SUGCT: variants seen among roughly 807,000 people sequenced by gnomAD.
SUGCT encodes succinyl-CoA:glutarate CoA-transferase.
SUGCT carries 41 observed loss-of-function variants against 55.0 expected under a neutral mutation model. The ratio of observed to expected loss-of-function variants is 0.74; its 90% CI spans 0.58 to 0.97. The LOEUF is 0.97. SUGCT is among the 50% of genes least tolerant of loss of function. The pLI is 0.00. For missense variants in SUGCT, 568 were observed against 547.8 expected, an observed-to-expected ratio of 1.04 and a Z score of -0.37; for synonymous variants, 187 against 200.4, an observed-to-expected ratio of 0.93 and a Z score of 0.56.
At chr7:40,944,356 A>T in the SUGCT span, among the ~76,000 whole-genome samples, 14 of 151,530 alleles carry the variant, frequency 9.2e-5, no homozygotes, top group African/African-American at 3.4e-4. Flanking sequence ...GTCCTTGCCC[A>T]TGCCTATGTC....
intron 12 of SUGCT, among the ~76,000 whole-genome samples, chr7:40,646,562 C>A (rs937200250): frequency 6.6e-6 from 1 of 152,168 alleles, no homozygotes; most frequent in Non-Finnish European, 1.5e-5. Context: ...ATCATTTTTA[C>A]TGGGCTAGTG....
intron 8 of SUGCT, among the ~76,000 whole-genome samples, chr7:40,313,888 G>C (rs551057927): frequency 6.6e-6 from 1 of 152,070 alleles, no homozygotes; most frequent in South Asian, 2.1e-4. Flanking sequence ...CACTGCTCCT[G>C]GCCCACACTT....
At chr7:40,475,734 A>G (rs1039396567) in intron 11 of SUGCT, among the ~76,000 whole-genome samples, 8 of 152,216 alleles carry the variant, frequency 5.3e-5, no homozygotes, top group Non-Finnish European at 5.9e-5. Context: ...AATATGAGGC[A>G]TATTACAGGA....
the SUGCT span, among the ~76,000 whole-genome samples, chr7:40,916,046 A>ACT: frequency 7.6e-4 from 76 of 100,410 alleles, 1 homozygote; most frequent in South Asian, 4.4e-3. Context: ...GATGTGGGAC[A>ACT]CTCTCTCTCT....
chr7:40,397,003 G>T (rs1785769523), intron 9 of SUGCT, among the ~76,000 whole-genome samples: 1 of 152,066 alleles, frequency 6.6e-6, no homozygotes, highest in African/African-American at 2.4e-5. Flanking sequence ...TACTATACTG[G>T]TCTTTAAAAA....
intron 9 of SUGCT, among the ~76,000 whole-genome samples, chr7:40,391,461 A>C (rs887197505): frequency 2.0e-5 from 3 of 152,198 alleles, no homozygotes; most frequent in African/African-American, 4.8e-5. Flanking sequence ...ACCCCATCAA[A>C]AAGTGGGCAA....
At chr7:40,596,139 T>G (rs1797998885) in intron 12 of SUGCT, among the ~76,000 whole-genome samples, 1 of 152,242 alleles carries the variant, frequency 6.6e-6, no homozygotes, top group Non-Finnish European at 1.5e-5. Context: ...CTGTGTGACT[T>G]ACTTTATTGT....
At chr7:40,256,978 C>G (rs1790853239) in intron 7 of SUGCT, among the ~76,000 whole-genome samples, 1 of 151,982 alleles carries the variant, frequency 6.6e-6, no homozygotes, top group Admixed American at 6.6e-5. Context: ...TCCTGACCTC[C>G]AGTGATTCAC....
At chr7:40,383,710 C>T (rs975918960) in intron 9 of SUGCT, among the ~76,000 whole-genome samples, 7 of 151,962 alleles carry the variant, frequency 4.6e-5, no homozygotes, top group African/African-American at 1.5e-4. Context: ...GGTGGCTTCC[C>T]GGAGGAAATG....
At chr7:40,560,344 G>A (rs1217081567) in intron 12 of SUGCT, among the ~76,000 whole-genome samples, 1 of 152,122 alleles carries the variant, frequency 6.6e-6, no homozygotes, top group Non-Finnish European at 1.5e-5. Context: ...TGGGTGGAGG[G>A]CCTTGTAGAA....
chr7:40,961,751 G>C, the SUGCT span, among the ~76,000 whole-genome samples: 2 of 151,902 alleles, frequency 1.3e-5, no homozygotes, highest in African/African-American at 2.4e-5. Context: ...CAGTGGGTTC[G>C]TGGTCTCGCT....
chr7:40,394,787 A>G (rs746488927), intron 9 of SUGCT, among the ~76,000 whole-genome samples: 5 of 152,114 alleles, frequency 3.3e-5, no homozygotes, highest in African/African-American at 9.7e-5. Flanking sequence ...AGTAATTTCT[A>G]TTTTATTTTT....
intron 12 of SUGCT, among the ~76,000 whole-genome samples, chr7:40,718,872 T>A (rs1366312324): frequency 6.6e-6 from 1 of 152,194 alleles, no homozygotes; most frequent in African/African-American, 2.4e-5. Context: ...TTATTTATAA[T>A]CTTTTCCCAC....
At chr7:40,970,651 T>C in the SUGCT span, among the ~76,000 whole-genome samples, 1 of 152,192 alleles carries the variant, frequency 6.6e-6, no homozygotes, top group Non-Finnish European at 1.5e-5. Flanking sequence ...GGTAAGTGTT[T>C]TGATGAACTT....
chr7:40,690,767 G>A (rs1345532165), intron 12 of SUGCT, among the ~76,000 whole-genome samples: 3 of 151,952 alleles, frequency 2.0e-5, no homozygotes, highest in African/African-American at 4.8e-5. Flanking sequence ...TTGTAGAAAC[G>A]GGGTTTCACC....
chr7:40,368,965 A>C (rs908017076), intron 9 of SUGCT, among the ~76,000 whole-genome samples: 1 of 152,056 alleles, frequency 6.6e-6, no homozygotes, highest in African/African-American at 2.4e-5. Flanking sequence ...TTAGCTAGGC[A>C]TGGTGGCGGG....
At chr7:40,454,573 A>T (rs1010881790) in intron 10 of SUGCT, among the ~76,000 whole-genome samples, 1 of 151,702 alleles carries the variant, frequency 6.6e-6, no homozygotes, top group Non-Finnish European at 1.5e-5. Flanking sequence ...GGCAATTGTA[A>T]CACAGTGGAT....
the SUGCT span, among the ~76,000 whole-genome samples, chr7:41,005,957 A>T: frequency 6.6e-6 from 1 of 152,124 alleles, no homozygotes; most frequent in Non-Finnish European, 1.5e-5. Context: ...TCCCAAACAA[A>T]ACTTGTTTTT....
chr7:40,293,301 T>G (rs1793906160), intron 8 of SUGCT, among the ~76,000 whole-genome samples: 1 of 152,206 alleles, frequency 6.6e-6, no homozygotes, highest in African/African-American at 2.4e-5. Flanking sequence ...GTCTCTAAGC[T>G]GTACCTTGGT....
Sources: gnomAD v4.1 joint callset for allele counts (sites outside exome capture counted in the v4.1 genomes callset) on GRCh38, gnomAD v4.1.1 for gene constraint, MANE v1.5 for transcripts, NCBI Gene and HGNC (gene_info 2026-07-23, HGNC 2026-07-21) for gene names.